The following ALLC variants were observed in gnomAD, a reference collection of about 807,000 sequenced individuals.
ALLC encodes the protein probable inactive allantoicase.
Under a neutral mutation model 45.0 loss-of-function variants are expected in ALLC, and 40 were observed. That is an observed-to-expected ratio of 0.89 (90% CI 0.69 to 1.16). ALLC has a LOEUF of 1.16. ALLC is among the 50% of genes most tolerant of loss of function. The pLI, the probability that ALLC is intolerant of heterozygous loss-of-function variation, is 0.00. For missense variants in ALLC, 488 were observed against 493.1 expected, an observed-to-expected ratio of 0.99 and a Z score of 0.10; for synonymous variants, 176 against 178.1, an observed-to-expected ratio of 0.99 and a Z score of 0.09.
chr2:3,701,775 C>A, intron 11 of ALLC, 139 bp downstream of exon 11: 3 of 1,067,198 alleles, frequency 2.8e-6, no homozygotes, highest in Non-Finnish European at 3.8e-6. Context: ...CCCCTATCTG[C>A]AAACTTTAAG....
intron 7 of ALLC, among the ~76,000 whole-genome samples, chr2:3,692,092 T>C (rs754790507): frequency 1.6e-4 from 24 of 152,232 alleles, no homozygotes; most frequent in Non-Finnish European, 2.9e-4. Context: ...TATCACTGTC[T>C]TATTATGATC....
At chr2:3,670,895 C>T (rs1031606665) in intron 1 of ALLC, among the ~76,000 whole-genome samples, 3 of 121,124 alleles carry the variant, frequency 2.5e-5, no homozygotes, top group East Asian at 2.0e-4. Context: ...ATTCCTTCCC[C>T]GTTTCAGCGT....
At chr2:3,672,553 T>TTCTGGTTAGATGGGAGGTCCCCTGGC in intron 2 of ALLC, among the ~76,000 whole-genome samples, 1 of 56,176 alleles carries the variant, frequency 1.8e-5, no homozygotes, top group Admixed American at 1.6e-4. Context: ...GGTCCTCTGG[T>TTCTGGTTAGATGGGAGGTCCCCTGGC]TCTGGTTAGA....
chr2:3,683,174 T>C (rs1667244196), intron 7 of ALLC, 100 bp downstream of exon 7: 1 of 1,311,368 alleles, frequency 7.6e-7, no homozygotes, highest in Non-Finnish European at 1.1e-6. Flanking sequence ...TTCTTGGTAA[T>C]TGATCTCTCT....
chr2:3,696,457 T>G (rs760782161), intron 9 of ALLC, 109 bp downstream of exon 9: 1 of 792,182 alleles, frequency 1.3e-6, no homozygotes, highest in Non-Finnish European at 2.0e-6. Context: ...TATGCATTGT[T>G]CTAAATGCTA....
At position 3,671,201 on chromosome 2, in the gene ALLC, C is replaced by T. The variant is rs1348014387; in HGVS notation, c.33+11C>T. The T allele has an allele frequency of 9.9e-6, 16 of 1,608,728 alleles. No homozygotes were observed. Among genetic ancestry groups the T allele is most frequent in the Non-Finnish European group, 1.4e-5 (16 of 1,177,672 alleles). On this transcript the variant is annotated intron_variant, in intron 2 of 11. Transcript: ENST00000252505. ...TCCGTAGGAGGAAAAGTAAGTGGGT[C>T]TCTCATGGCCAAACAAGGGTTGAAG...
the ALLC span, among the ~76,000 whole-genome samples, chr2:3,652,192 C>T: frequency 6.6e-6 from 1 of 152,256 alleles, no homozygotes; most frequent in East Asian, 1.9e-4. Flanking sequence ...GCAAGGGCCC[C>T]TCGGCTGCCA....
In ALLC at chr2:3,702,478, G is replaced by T; in HGVS notation, c.1091G>T (p.Arg364Leu). The T allele has an allele frequency of 1.2e-6, 2 of 1,612,186 alleles. No homozygotes were observed. The highest frequency in any genetic ancestry group is 1.7e-6 in the Non-Finnish European group (2 of 1,179,586). The change falls in exon 12 of 12, where the codon CGG becomes CTG. Residue 364 changes from arginine (R) to leucine (L), a missense_variant. Physicochemically the swap from Arg to Leu is moderately radical, Grantham distance 102. Coordinates refer to ENST00000252505, the MANE Select transcript of ALLC (RefSeq NM_018436.4). ...GGGGGAGTGAGCCGCCTTCGGCTCC[G>T]GGGCTTCCCCAGCTCCATCTGCCTC... ...PDGGVSRLRL[R>L]GFPSSICLLR... is the part of the protein sequence containing the mutation.
At chr2:3,681,012 G>C (rs1667162315) in intron 5 of ALLC, among the ~76,000 whole-genome samples, 1 of 152,116 alleles carries the variant, frequency 6.6e-6, no homozygotes, top group South Asian at 2.1e-4. Flanking sequence ...TTATGTGTGT[G>C]TTTATACATG....
Position 3,681,658 on chromosome 2 carries a change from G to A in ALLC, c.323G>A (p.Arg108Lys). 6.2e-7 allele frequency: 1 copy of A among 1,610,836 alleles called. No individual in the cohort carries two copies. The highest frequency in any genetic ancestry group is 2.2e-5 in the East Asian group (1 of 44,780). ...EEDKLPEIPE[R>K]GTRTGAAATP... ...GATAAACTACCAGAAATCCCAGAAA[G>A]AGGAACCAGGACAGGAGCTGCAGCC... is the stretch of plus-strand genomic sequence containing the variant. The change falls in exon 6 of 12, where the codon AGA becomes AAA. Residue 108 changes from arginine to lysine, a missense_variant. Physicochemically the swap from Arg to Lys is conservative, Grantham distance 26 (BLOSUM62 2). Transcript: ENST00000252505.
chr2:3,668,889 T>C lies in ALLC; in HGVS notation c.-62-2207T>C, dbSNP rs561158829. Among the ~76,000 whole-genome samples the C allele has an allele frequency of 4.6e-5, 7 of 152,138 alleles. No individual in the cohort carries two copies. The East Asian group carries it at 1.2e-3, about 25-fold the overall frequency. Reference sequence around the variant, plus strand: ...CCGCGCCTGGCCATGTGTATGACTTTGATTGTGAAAAGTTTCAAACATACC... The same window carrying C: ...CCGCGCCTGGCCATGTGTATGACTTCGATTGTGAAAAGTTTCAAACATACC... On this transcript the variant is annotated intron_variant, in intron 1 of 11. Transcript: ENST00000252505.
At chr2:3,683,990 G>A (rs757612476) in intron 7 of ALLC, among the ~76,000 whole-genome samples, 2 of 151,984 alleles carry the variant, frequency 1.3e-5, no homozygotes, top group South Asian at 2.1e-4. Flanking sequence ...TTGTTTACCC[G>A]TTCATTAGTT....
intron 11 of ALLC, 113 bp downstream of exon 11, chr2:3,701,749 C>CTTTA: frequency 7.8e-7 from 1 of 1,283,272 alleles, no homozygotes; most frequent in Non-Finnish European, 1.0e-6. Context: ...AATGGTAAAA[C>CTTTA]GAATGAGGTT....
chr2:3,672,617 A>C (rs111657880), intron 2 of ALLC, among the ~76,000 whole-genome samples: 16 of 73,564 alleles, frequency 2.2e-4, no homozygotes, highest in East Asian at 7.4e-4. Flanking sequence ...CTGGTTAGAT[A>C]GGAGGTCCTC....
At chr2:3,666,593 A>G (rs938785924) in intron 1 of ALLC, among the ~76,000 whole-genome samples, 1 of 152,206 alleles carries the variant, frequency 6.6e-6, no homozygotes, top group African/African-American at 2.4e-5. Context: ...GATAATAAAT[A>G]TATATGCCCA....
intron 7 of ALLC, among the ~76,000 whole-genome samples, chr2:3,683,452 A>G (rs558627377): frequency 6.7e-4 from 102 of 152,346 alleles, no homozygotes; most frequent in Non-Finnish European, 1.2e-3. Context: ...TGTACAATCA[A>G]TGATGTATAG....
rs995159296 is a variant in ALLC at position 3,679,970 on chromosome 2, A to G, written c.274A>G (p.Ile92Val). ...GGGAGATTACGCTCCTCGAGTGTCCATTCAAGCAGCAAACTTGGAAGAAGG... is the reference window on the plus strand; with the variant it reads ...GGGAGATTACGCTCCTCGAGTGTCCGTTCAAGCAGCAAACTTGGAAGAAGG... ...FTGDYAPRVS[I>V]QAANLEEDKL... Residue 92 changes from isoleucine to valine, a missense_variant, in exon 5 of 12, where the codon ATT (isoleucine) becomes GTT (valine). Ile to Val is a conservative substitution (Grantham distance 29). Transcript: ENST00000252505. 1.2e-6 allele frequency: 2 copies of G among 1,613,964 alleles called. No individual in the cohort carries two copies. The highest frequency in any genetic ancestry group is 1.7e-6 in the Non-Finnish European group (2 of 1,179,886).
chr2:3,697,300 T>G (rs750777442), intron 9 of ALLC, 48 bp from the exon 10 acceptor site: 2 of 1,489,278 alleles, frequency 1.3e-6, no homozygotes, highest in Non-Finnish European at 1.9e-6. Flanking sequence ...ACTGGTTTCT[T>G]GAATGACTCC....
intron 3 of ALLC, among the ~76,000 whole-genome samples, chr2:3,675,947 G>A (rs1363965364): frequency 6.6e-6 from 1 of 152,356 alleles, no homozygotes; most frequent in East Asian, 1.9e-4. Context: ...GCCCTCTTGG[G>A]ATGGCCACCT....
Sources: gnomAD v4.1 joint callset for allele counts (sites outside exome capture counted in the v4.1 genomes callset) on GRCh38, gnomAD v4.1.1 for gene constraint, MANE v1.5 for transcripts, NCBI Gene and HGNC (gene_info 2026-07-23, HGNC 2026-07-21) for gene names.